DPP10: variants seen among roughly 807,000 people sequenced by gnomAD.
DPP10 encodes the protein dipeptidyl peptidase like 10.
A neutral mutation model predicts 120.9 loss-of-function variants in DPP10; 33 were observed. That is an observed-to-expected ratio of 0.27 (90% CI 0.21 to 0.37). The LOEUF (loss-of-function observed/expected upper bound fraction) is 0.37, where lower values mean the gene tolerates loss of function less well. Among genes scored for constraint, DPP10 ranks in the 10% least tolerant of loss-of-function variants. The pLI, the probability that DPP10 is intolerant of heterozygous loss-of-function variation, is 1.00. For synonymous variants in DPP10, 337 were observed against 326.1 expected, an observed-to-expected ratio of 1.03 and a Z score of -0.36; for missense variants, 816 against 942.8, an observed-to-expected ratio of 0.87 and a Z score of 1.76.
At position 115,818,090 on chromosome 2, in the gene DPP10, C is replaced by G. The variant is rs189848847; in HGVS notation, c.1950+2361C>G. ...ATGGAGGGGTGACAAAAAGGGAGAG[C>G]AAGAGCAGTAAAGGAAGAATGTGAG... On this transcript the variant is annotated intron_variant, in intron 21 of 25. Coordinates refer to ENST00000410059, the MANE Select transcript of DPP10 (RefSeq NM_020868.6). Among the ~76,000 whole-genome samples, 223 of 152,038 alleles carry G rather than the reference C, an allele frequency of 1.5e-3. 1 individual carries two copies. The highest frequency in any genetic ancestry group is 3.4e-3 in the Middle Eastern group (1 of 294).
chr2:115,370,191 TC>T, intron 3 of DPP10, among the ~76,000 whole-genome samples: 1 of 152,304 alleles, frequency 6.6e-6, no homozygotes, highest in East Asian at 1.9e-4. Context: ...TGGTCGCTTT[TC>T]TTGTTTAATC....
chr2:115,492,742 A>G (rs1460702532), intron 3 of DPP10, among the ~76,000 whole-genome samples: 1 of 152,170 alleles, frequency 6.6e-6, no homozygotes, highest in Admixed American at 6.6e-5. Flanking sequence ...AGGAACAAGA[A>G]ATAGGTTCCT....
chr2:115,818,225 A>G (rs2150050012), intron 21 of DPP10, among the ~76,000 whole-genome samples: 1 of 152,302 alleles, frequency 6.6e-6, no homozygotes, highest in African/African-American at 2.4e-5. Flanking sequence ...AAGATGAAAA[A>G]GTTCTGGAAA....
intron 3 of DPP10, among the ~76,000 whole-genome samples, chr2:115,450,382 A>G (rs1168153687): frequency 6.6e-6 from 1 of 152,046 alleles, no homozygotes; most frequent in African/African-American, 2.4e-5. Context: ...TTGAACCAGC[A>G]TAAGTTGAAG....
intron 1 of DPP10, among the ~76,000 whole-genome samples, chr2:115,083,608 A>G (rs1417531147): frequency 6.6e-6 from 1 of 152,132 alleles, no homozygotes; most frequent in East Asian, 1.9e-4. Context: ...CTTGACTAGT[A>G]TCCTTAGCTG....
chr2:115,589,640 G>T (rs921667557), intron 5 of DPP10, among the ~76,000 whole-genome samples: 1 of 152,128 alleles, frequency 6.6e-6, no homozygotes, highest in African/African-American at 2.4e-5. Flanking sequence ...CTAGCAAAAT[G>T]AAATCAACTG....
At chr2:115,730,667 C>A (rs1291711270) in intron 8 of DPP10, among the ~76,000 whole-genome samples, 1 of 152,102 alleles carries the variant, frequency 6.6e-6, no homozygotes, top group Non-Finnish European at 1.5e-5. Context: ...CGTTTCCTGA[C>A]AAATACGGTA....
intron 1 of DPP10, among the ~76,000 whole-genome samples, chr2:115,236,882 G>T (rs1398608799): frequency 6.6e-6 from 1 of 152,164 alleles, no homozygotes. Flanking sequence ...GCATTTCACA[G>T]TGAGTTAAGA....
At chr2:115,250,886 A>G (rs965010528) in intron 1 of DPP10, among the ~76,000 whole-genome samples, 5 of 152,218 alleles carry the variant, frequency 3.3e-5, no homozygotes, top group African/African-American at 1.2e-4. Context: ...TGACAACAGC[A>G]TATATGTCCA....
intron 1 of DPP10, among the ~76,000 whole-genome samples, chr2:114,774,240 T>C (rs1296187982): frequency 6.6e-6 from 1 of 152,040 alleles, no homozygotes; most frequent in African/African-American, 2.4e-5. Flanking sequence ...TATGATGAAA[T>C]TGACACTCTA....
intron 1 of DPP10, among the ~76,000 whole-genome samples, chr2:114,557,827 T>C (rs1204508250): frequency 6.6e-6 from 1 of 152,186 alleles, no homozygotes; most frequent in East Asian, 1.9e-4. Context: ...TAGGCCACAA[T>C]CATGATAGTC....
At chr2:115,342,817 G>T (rs1172376475) in intron 2 of DPP10, among the ~76,000 whole-genome samples, 1 of 151,986 alleles carries the variant, frequency 6.6e-6, no homozygotes, top group African/African-American at 2.4e-5. Flanking sequence ...TTTCTTGGCA[G>T]TTATTTTATG....
intron 1 of DPP10, 64 bp from the exon 2 acceptor site, chr2:115,309,175 C>T: frequency 7.8e-7 from 1 of 1,290,122 alleles, no homozygotes; most frequent in Non-Finnish European, 1.1e-6. Context: ...CTGAATCATT[C>T]CTTTATGAAT....
intron 1 of DPP10, among the ~76,000 whole-genome samples, chr2:115,023,926 T>C (rs918831110): frequency 6.6e-6 from 1 of 152,040 alleles, no homozygotes; most frequent in Non-Finnish European, 1.5e-5. Flanking sequence ...CCAAGCATCA[T>C]ATGTTCTCAC....
chr2:114,962,720 C>T (rs1698736579), intron 1 of DPP10, among the ~76,000 whole-genome samples: 1 of 152,144 alleles, frequency 6.6e-6, no homozygotes, highest in South Asian at 2.1e-4. Flanking sequence ...CACCTATTAG[C>T]ATAATCTACT....
chr2:115,215,338 T>C (rs2056756833), intron 1 of DPP10, among the ~76,000 whole-genome samples: 1 of 152,188 alleles, frequency 6.6e-6, no homozygotes, highest in Admixed American at 6.6e-5. Flanking sequence ...ACCAATATGA[T>C]TAACATATTA....
chr2:114,568,925 A>G (rs1311175134), intron 1 of DPP10, among the ~76,000 whole-genome samples: 2 of 152,180 alleles, frequency 1.3e-5, no homozygotes. Flanking sequence ...ACAATTTATT[A>G]TTTAATACAT....
chr2:115,378,284 G>T (rs1043781966), intron 3 of DPP10, among the ~76,000 whole-genome samples: 1 of 149,806 alleles, frequency 6.7e-6, no homozygotes, highest in Non-Finnish European at 1.5e-5. Context: ...TTGTAAGTTG[G>T]ATTCCTAGGT....
intron 1 of DPP10, among the ~76,000 whole-genome samples, chr2:115,212,997 G>A (rs143647706): frequency 2.2e-4 from 33 of 152,144 alleles, no homozygotes; most frequent in African/African-American, 7.2e-4. Flanking sequence ...TCCATGATTG[G>A]CCCTGCCCAT....
Sources: allele counts gnomAD v4.1 joint callset (sites outside exome capture counted in the v4.1 genomes callset), GRCh38; gene constraint gnomAD v4.1.1; transcripts MANE v1.5; gene names NCBI Gene and HGNC (gene_info 2026-07-23, HGNC 2026-07-21).